SHOX: variants seen among roughly 807,000 people sequenced by gnomAD.
SHOX encodes short stature homeobox protein.
In SHOX, 12 loss-of-function variants were observed where a neutral mutation model predicts 29.6. The ratio of observed to expected loss-of-function variants is 0.41; its 90% confidence interval spans 0.26 to 0.66. The LOEUF is 0.66. SHOX is among the 30% of genes least tolerant of loss of function. The probability of loss-of-function intolerance (pLI) is 0.35; values close to 1 mark genes in which losing one functional copy is unlikely to be tolerated. For missense variants in SHOX, 499 were observed against 437.7 expected, an observed-to-expected ratio of 1.14 and a Z score of -1.25; for synonymous variants, 214 against 200.6, an observed-to-expected ratio of 1.07 and a Z score of -0.57.
At chrX:657,184 A>T (rs2053160522) in intron 5 of SHOX, among the ~76,000 whole-genome samples, 1 of 152,210 alleles carries the variant, frequency 6.6e-6, no homozygotes, top group African/African-American at 2.4e-5. Context: ...CAACCAAGAA[A>T]GCAATTCACA....
upstream of SHOX, among the ~76,000 whole-genome samples, chrX:626,299 GTCTC>G (rs1265582772): frequency 7.9e-6 from 1 of 126,408 alleles, no homozygotes; most frequent in African/African-American, 3.1e-5. Flanking sequence ...CTCTACCTCT[GTCTC>G]TCTCTCTCCT....
Position 630,959 on chromosome X carries a change from G to A in SHOX, c.62G>A (p.Gly21Asp). The change falls in exon 1 of 5, where the codon GGC becomes GAC. Residue 21 changes from glycine to aspartate, a missense_variant. By Grantham distance (94) the Gly-to-Asp change is moderately conservative. Transcript: ENST00000686671. Reference protein sequence around the residue: ...SFDQKSKDGNGGGGGGGGKKD... With the variant: ...SFDQKSKDGNDGGGGGGGKKD... ...GACCAGAAAAGCAAGGACGGTAACG[G>A]CGGAGGCGGAGGCGGCGGAGGTAAG... 6.2e-7 allele frequency: 1 copy of A among 1,613,302 alleles called. No individual in the cohort carries two copies.
intron 2 of SHOX, among the ~76,000 whole-genome samples, chrX:640,049 A>T (rs1312913332): frequency 1.3e-5 from 2 of 148,464 alleles, no homozygotes; most frequent in East Asian, 2.0e-4. Context: ...AAGAAAACCC[A>T]ATTTCCAGTT....
upstream of SHOX, among the ~76,000 whole-genome samples, chrX:627,723 C>A (rs1283015321): frequency 6.6e-6 from 1 of 152,166 alleles, no homozygotes; most frequent in Non-Finnish European, 1.5e-5. Flanking sequence ...CTCGGACACC[C>A]TGGTAGAGCG....
In SHOX at chrX:641,001, G is replaced by A. The variant is rs752189039; in HGVS notation, c.547G>A (p.Val183Ile). The change falls in exon 4 of 5, where the codon GTC becomes ATC. Residue 183 changes from valine to isoleucine, a missense_variant and splice_region_variant. Transcript: ENST00000686671. ...ACACCTGCTCCCTTTGGACACAGGC[G>A]TCATCTTGGGCACAGCCAACCACCT... The part of the protein sequence containing the change: ...RKQENQMHKG[V>I]ILGTANHLDA... 2.3e-4 allele frequency: 364 copies of A among 1,613,816 alleles called. 1 individual carries two copies. In the South Asian group the frequency reaches 3.1e-3, roughly 14 times the overall value.
rs2053017518 is a variant in SHOX at position 649,296 on chromosome X, C to T, written c.*4660C>T. Among the ~76,000 whole-genome samples the T allele has an allele frequency of 1.3e-5, 2 of 152,174 alleles. No individual in the cohort carries two copies. The highest frequency in any genetic ancestry group is 2.9e-5 in the Non-Finnish European group (2 of 68,040). On this transcript the variant is annotated 3_prime_UTR_variant, in exon 5 of 5. Transcript: ENST00000686671. ...TCACATGATCCACCCGCCTCAGCCT[C>T]CCAGAGTGCTGGGATTACGGGGTGA...
At chrX:631,924 C>G (rs1427601298) in intron 1 of SHOX, 1 of 456,090 alleles carries the variant, frequency 2.2e-6, no homozygotes, top group Non-Finnish European at 4.4e-6. Flanking sequence ...CGTCTCCACG[C>G]GCCTTCCCAG....
downstream of SHOX, among the ~76,000 whole-genome samples, chrX:656,120 G>GT (rs2053142740): frequency 1.9e-5 from 2 of 107,924 alleles, no homozygotes; most frequent in Non-Finnish European, 3.9e-5. Flanking sequence ...GACCAGCCTC[G>GT]GCAACAAAGT....
intron 5 of SHOX, among the ~76,000 whole-genome samples, chrX:656,666 C>T (rs1328304450): frequency 1.3e-5 from 2 of 152,022 alleles, no homozygotes; most frequent in African/African-American, 4.8e-5. Context: ...ACGGTGAAAC[C>T]CCGTCTCTAC....
intron 2 of SHOX, among the ~76,000 whole-genome samples, chrX:635,274 G>C (rs1454576149): frequency 6.6e-6 from 1 of 151,948 alleles, no homozygotes; most frequent in Non-Finnish European, 1.5e-5. Flanking sequence ...AGATGCGTTT[G>C]ATCCAGAGTG....
chrX:653,846 T>G (rs1418911440), downstream of SHOX, among the ~76,000 whole-genome samples: 1 of 151,946 alleles, frequency 6.6e-6, no homozygotes, highest in African/African-American at 2.4e-5. Context: ...TAAAGAAAAA[T>G]GCAGAGAAAG....
intron 2 of SHOX, among the ~76,000 whole-genome samples, chrX:638,673 G>A (rs770495519): frequency 1.3e-5 from 2 of 152,348 alleles, no homozygotes; most frequent in African/African-American, 4.8e-5. Context: ...TCAAGAGCAA[G>A]TTCACGTTGC....
rs1292562117 is a variant in SHOX, at chrX:646,087, G to C, written c.*1451G>C. The C allele has an allele frequency of 6.6e-6, 1 of 151,852 alleles. No individual in the cohort carries two copies. Among genetic ancestry groups the C allele is most frequent in the South Asian group, 2.1e-4 (1 of 4,812 alleles). The allele number at this position is 151,852 out of a possible 1,614,324, so 9.4% of individuals were successfully genotyped here. ...AATTTTTTGTATTTATAGTAGAGAC[G>C]GGGTTTCACCGTGTTGGCCAGGCTC... On this transcript the variant is annotated 3_prime_UTR_variant, in exon 5 of 5. Transcript: ENST00000686671.
chrX:624,862 T>TTTTCTTTCTTTCCTTCCTTTC (rs1556451609), intron 1 of SHOX, among the ~76,000 whole-genome samples: 1 of 76,810 alleles, frequency 1.3e-5, no homozygotes, highest in Admixed American at 1.3e-4. Flanking sequence ...TCTTTCTTTC[T>TTTTCTTTCTTTCCTTCCTTTC]TTTCTTTCTT....
Position 644,857 on chromosome X carries a change from G to C in SHOX, c.*221G>C. On this transcript the variant is annotated 3_prime_UTR_variant, in exon 5 of 5. Transcript: ENST00000686671. ...AGATGGTGCAGAAGGCGGAGCGGGTGAGCGGCCGTGCGTCCAGCCCGGGCC... is the reference window on the plus strand; with the variant it reads ...AGATGGTGCAGAAGGCGGAGCGGGTCAGCGGCCGTGCGTCCAGCCCGGGCC... 1.7e-6 allele frequency: 1 copy of C among 587,962 alleles called. No homozygotes were observed. The highest frequency in any genetic ancestry group is 2.6e-6 in the Non-Finnish European group (1 of 378,206). The allele number at this position is 587,962 out of a possible 1,614,324, so 36.4% of individuals were successfully genotyped here.
In SHOX at chrX:634,530, C is replaced by T. The variant is rs539831461; in HGVS notation, c.278-88C>T. 7.1e-5 allele frequency: 102 copies of T among 1,427,946 alleles called. No individual in the cohort carries two copies. In the East Asian group the frequency reaches 2.1e-3, roughly 29 times the overall value. 88.5% of individuals were successfully genotyped at this position (1,427,946 alleles called of 1,614,324 possible). ...AAAGCGCATTGGTTTTCGAGGGCCC[C>T]CTTTCCACCGCGGGATGCACGAAGG... On this transcript the variant is annotated intron_variant, in intron 1 of 4. Coordinates refer to ENST00000686671, the MANE Select transcript of SHOX (RefSeq NM_000451.4).
In SHOX at chrX:634,614, G is replaced by C; in HGVS notation, c.278-4G>C. ...CAGCCCTGTGCCCTCCGCTCCCCAC[G>C]CAGGGATTTATGAATGCAAAGAGAA... On this transcript the variant is annotated splice_region_variant and splice_polypyrimidine_tract_variant and intron_variant, in intron 1 of 4. Coordinates refer to ENST00000686671, the MANE Select transcript of SHOX (RefSeq NM_000451.4). 1.2e-6 allele frequency: 2 copies of C among 1,613,396 alleles called. No individual in the cohort carries two copies. The highest frequency in any genetic ancestry group is 1.7e-6 in the Non-Finnish European group (2 of 1,179,840).
At chrX:657,215 A>G (rs2124227069) in intron 5 of SHOX, among the ~76,000 whole-genome samples, 1 of 152,356 alleles carries the variant, frequency 6.6e-6, no homozygotes, top group South Asian at 2.1e-4. Context: ...TGCATCGTGC[A>G]GTGACCTCTT....
upstream of SHOX, among the ~76,000 whole-genome samples, chrX:627,222 C>T (rs2052553966): frequency 6.6e-6 from 1 of 152,186 alleles, no homozygotes; most frequent in African/African-American, 2.4e-5. Flanking sequence ...TCATACAGTC[C>T]ACCCACTCTG....
Sources: gnomAD v4.1 joint callset for allele counts (sites outside exome capture counted in the v4.1 genomes callset) on GRCh38, gnomAD v4.1.1 for gene constraint, MANE v1.5 for transcripts, NCBI Gene and HGNC (gene_info 2026-07-23, HGNC 2026-07-21) for gene names.